The following COX6C variants were observed in gnomAD, a reference collection of about 807,000 sequenced individuals.
The protein encoded by COX6C is cytochrome c oxidase polypeptide VIc.
COX6C carries 3 observed loss-of-function variants against 6.9 expected under a neutral mutation model. The ratio of observed to expected loss-of-function variants is 0.43; its 90% CI spans 0.20 to 1.12. The LOEUF (loss-of-function observed/expected upper bound fraction) is 1.12, where lower values mean the gene tolerates loss of function less well. COX6C is among the 50% of genes most tolerant of loss of function. The probability of loss-of-function intolerance (pLI) is 0.27; values close to 1 mark genes in which losing one functional copy is unlikely to be tolerated. For missense variants in COX6C, 101 were observed against 97.3 expected (o/e 1.04, Z -0.16); for synonymous variants, 32 against 32.0 (o/e 1.00, Z 0.00).
chr8:99,882,791 C>A (rs1025236905), intron 3 of COX6C, among the ~76,000 whole-genome samples: 2 of 151,532 alleles, frequency 1.3e-5, no homozygotes, highest in Non-Finnish European at 2.9e-5. Flanking sequence ...ATACATAACT[C>A]AAAAAAAAAT....
intron 3 of COX6C, chr8:99,887,244 T>C: frequency 3.4e-6 from 1 of 296,538 alleles, no homozygotes; most frequent in Non-Finnish European, 6.2e-6. Context: ...ACCCTTGTGA[T>C]TATGTTTCTG....
At chr8:99,879,501 C>A (rs1817823250) in intron 3 of COX6C, among the ~76,000 whole-genome samples, 1 of 152,080 alleles carries the variant, frequency 6.6e-6, no homozygotes, top group Admixed American at 6.6e-5. Context: ...GCTCCAGGCC[C>A]CCAAACCCCC....
intron 3 of COX6C, among the ~76,000 whole-genome samples, chr8:99,884,625 A>G (rs1477465586): frequency 1.3e-5 from 2 of 152,204 alleles, no homozygotes; most frequent in Non-Finnish European, 1.5e-5. Context: ...CCTTGGACAC[A>G]TTGTTTTGAT....
intron 3 of COX6C, among the ~76,000 whole-genome samples, chr8:99,885,361 G>T (rs1358805057): frequency 6.6e-6 from 1 of 152,132 alleles, no homozygotes; most frequent in East Asian, 1.9e-4. Context: ...AATATATACA[G>T]GGTTTGGTAC....
intron 3 of COX6C, chr8:99,886,474 G>A (rs1325622288): frequency 1.3e-5 from 2 of 152,096 alleles, no homozygotes; most frequent in East Asian, 3.8e-4. Flanking sequence ...AGTTTCTTAA[G>A]AAATTAAAAA....
chr8:99,886,275 A>G (rs776887816), intron 3 of COX6C: 1 of 152,278 alleles, frequency 6.6e-6, no homozygotes, highest in Non-Finnish European at 1.5e-5. Context: ...CTATAGTGCC[A>G]GCTTCTTGGG....
intron 1 of COX6C, 127 bp from the exon 2 acceptor site, chr8:99,892,179 G>T (rs940259533): frequency 3.4e-6 from 2 of 593,570 alleles, no homozygotes; most frequent in African/African-American, 3.8e-5. Context: ...AGTTACAAAT[G>T]AATGTTTTTC....
At chr8:99,882,737 G>T (rs1051002911) in intron 3 of COX6C, among the ~76,000 whole-genome samples, 2 of 142,936 alleles carry the variant, frequency 1.4e-5, no homozygotes, top group Non-Finnish European at 3.0e-5. Flanking sequence ...AGAATGCTAT[G>T]AACAATTATA....
intron 2 of COX6C, among the ~76,000 whole-genome samples, chr8:99,890,321 C>T (rs1352165605): frequency 6.6e-6 from 1 of 152,092 alleles, no homozygotes; most frequent in Non-Finnish European, 1.5e-5. Context: ...CTATGACCCA[C>T]AATAACTGTG....
intron 2 of COX6C, among the ~76,000 whole-genome samples, chr8:99,891,081 C>T (rs574656817): frequency 6.6e-6 from 1 of 152,374 alleles, no homozygotes; most frequent in East Asian, 1.9e-4. Context: ...TTCCCAGCCC[C>T]TCTGCATACT....
chr8:99,891,720 T>C (rs1407176751), intron 2 of COX6C, among the ~76,000 whole-genome samples, 188 bp downstream of exon 2: 5 of 152,172 alleles, frequency 3.3e-5, no homozygotes, highest in African/African-American at 1.2e-4. Flanking sequence ...TGGTTCTTTG[T>C]TACGGCATTC....
chr8:99,883,435 G>GTA (rs1331509492), intron 3 of COX6C, among the ~76,000 whole-genome samples: 4 of 129,872 alleles, frequency 3.1e-5, no homozygotes, highest in African/African-American at 1.3e-4. Flanking sequence ...ATATATGTAT[G>GTA]TGTGTGTGTG....
intron 1 of COX6C, 103 bp from the exon 2 acceptor site, chr8:99,892,155 C>T: frequency 3.2e-6 from 2 of 634,392 alleles, no homozygotes; most frequent in Non-Finnish European, 2.8e-6. Context: ...TGAATATACA[C>T]TCCGATTAGC....
At chr8:99,886,488 T>C (rs1452350741) in intron 3 of COX6C, 3 of 152,168 alleles carry the variant, frequency 2.0e-5, no homozygotes, top group South Asian at 2.1e-4. Context: ...TTAAAAATCA[T>C]ATGATCCAGG....
intron 3 of COX6C, among the ~76,000 whole-genome samples, chr8:99,883,469 A>AT (rs563313291): frequency 9.0e-4 from 128 of 142,844 alleles, no homozygotes; most frequent in South Asian, 2.6e-3. Context: ...ATATATATAT[A>AT]TATTTTTTTT....
chr8:99,883,152 T>C (rs191428764), intron 3 of COX6C, among the ~76,000 whole-genome samples: 1 of 152,136 alleles, frequency 6.6e-6, no homozygotes, highest in Non-Finnish European at 1.5e-5. Flanking sequence ...CTATAACTAG[T>C]AGGAATTTTT....
intron 3 of COX6C, among the ~76,000 whole-genome samples, chr8:99,880,434 T>C (rs111430841): frequency 2.4e-3 from 366 of 152,244 alleles, no homozygotes; most frequent in African/African-American, 8.3e-3. Context: ...GAGAAAATTA[T>C]TTCTAAAAAC....
At chr8:99,889,915 C>A (rs529843464) in intron 2 of COX6C, among the ~76,000 whole-genome samples, 1 of 151,714 alleles carries the variant, frequency 6.6e-6, no homozygotes, top group East Asian at 2.0e-4. Context: ...CACGGTGAAA[C>A]CCCGTCTCTA....
At chr8:99,893,112 G>A (rs1818081293) in intron 1 of COX6C, 1 of 152,242 alleles carries the variant, frequency 6.6e-6, no homozygotes, top group African/African-American at 2.4e-5. Context: ...GGAGGTTGCA[G>A]GAAGCCCATC....
Sources: gnomAD v4.1 joint callset for allele counts (sites outside exome capture counted in the v4.1 genomes callset) on GRCh38, gnomAD v4.1.1 for gene constraint, MANE v1.5 for transcripts, NCBI Gene and HGNC (gene_info 2026-07-23, HGNC 2026-07-21) for gene names.